The following MYO3B variants were observed in gnomAD, a reference collection of about 807,000 sequenced individuals.
MYO3B encodes myosin-IIIb.
A neutral mutation model predicts 174.6 loss-of-function variants in MYO3B; 156 were observed. The ratio of observed to expected loss-of-function variants is 0.89; its 90% CI spans 0.78 to 1.02. The LOEUF is 1.02. MYO3B is among the 50% of genes least tolerant of loss of function. The pLI, the probability that MYO3B is intolerant of heterozygous loss-of-function variation, is 0.00. For missense variants in MYO3B, 1,632 were observed against 1,639.4 expected (o/e 1.00, Z 0.08); for synonymous variants, 563 against 569.1 (o/e 0.99, Z 0.15).
chr2:170,251,432 T>C (rs1001321384), intron 7 of MYO3B, among the ~76,000 whole-genome samples: 3 of 152,140 alleles, frequency 2.0e-5, no homozygotes, highest in Non-Finnish European at 2.9e-5. Flanking sequence ...TCAGAAAAGA[T>C]ACATTGAAGT....
At chr2:170,469,791 T>G (rs1314321179) in intron 25 of MYO3B, among the ~76,000 whole-genome samples, 1 of 152,200 alleles carries the variant, frequency 6.6e-6, no homozygotes, top group Non-Finnish European at 1.5e-5. Flanking sequence ...TCACGTATGA[T>G]AAAAGTCATC....
chr2:170,180,575 CTT>C (rs1384499992), intron 1 of MYO3B, among the ~76,000 whole-genome samples: 1 of 152,060 alleles, frequency 6.6e-6, no homozygotes, highest in Non-Finnish European at 1.5e-5. Context: ...GTAGAGATCT[CTT>C]ATATGTTTTT....
chr2:170,525,693 A>G (rs1180313657), intron 30 of MYO3B, among the ~76,000 whole-genome samples: 1 of 152,180 alleles, frequency 6.6e-6, no homozygotes, highest in Non-Finnish European at 1.5e-5. Context: ...AAACAAGTGC[A>G]TATTTCTCCT....
chr2:170,233,752 A>T (rs1431257101), intron 6 of MYO3B, among the ~76,000 whole-genome samples: 1 of 152,240 alleles, frequency 6.6e-6, no homozygotes, highest in Non-Finnish European at 1.5e-5. Context: ...CAGAGTTTAG[A>T]GCACATTTTG....
intron 7 of MYO3B, among the ~76,000 whole-genome samples, chr2:170,245,004 G>A (rs1220128590): frequency 2.0e-5 from 3 of 152,154 alleles, no homozygotes; most frequent in Non-Finnish European, 4.4e-5. Flanking sequence ...GTAAAATTGT[G>A]TCAGTATGAA....
chr2:170,644,299 T>G (rs1188696217), intron 32 of MYO3B, among the ~76,000 whole-genome samples: 1 of 152,108 alleles, frequency 6.6e-6, no homozygotes, highest in African/African-American at 2.4e-5. Flanking sequence ...TTTTTTTTCT[T>G]TTTTGAGATG....
chr2:170,401,790 T>TTATTTA, intron 18 of MYO3B, 99 bp downstream of exon 18: 4 of 1,026,866 alleles, frequency 3.9e-6, no homozygotes, highest in Non-Finnish European at 5.5e-6. Context: ...CTCTGGGATT[T>TTATTTA]TCTTTCTTTT....
intron 25 of MYO3B, among the ~76,000 whole-genome samples, chr2:170,491,421 A>G (rs1686460022): frequency 6.7e-6 from 1 of 149,812 alleles, no homozygotes; most frequent in South Asian, 2.1e-4. Context: ...GTATTTTTTA[A>G]TTAATTAATT....
At chr2:170,296,141 G>A (rs1408841015) in intron 7 of MYO3B, among the ~76,000 whole-genome samples, 1 of 152,212 alleles carries the variant, frequency 6.6e-6, no homozygotes, top group Non-Finnish European at 1.5e-5. Flanking sequence ...TTCCCAGTGA[G>A]AGACAGGCCC....
intron 7 of MYO3B, among the ~76,000 whole-genome samples, chr2:170,308,842 G>T (rs2093718419): frequency 6.6e-6 from 1 of 152,094 alleles, no homozygotes; most frequent in Non-Finnish European, 1.5e-5. Flanking sequence ...TCCTTTAGAA[G>T]GGGGGACACA....
intron 23 of MYO3B, among the ~76,000 whole-genome samples, chr2:170,458,173 G>T (rs754410915): frequency 6.6e-6 from 1 of 152,142 alleles, no homozygotes; most frequent in African/African-American, 2.4e-5. Flanking sequence ...GATTGGCAGC[G>T]CAGGTTTGTT....
At chr2:170,598,061 G>T (rs530126624) in intron 32 of MYO3B, among the ~76,000 whole-genome samples, 2 of 152,142 alleles carry the variant, frequency 1.3e-5, no homozygotes, top group African/African-American at 4.8e-5. Flanking sequence ...TTTTGGCAAC[G>T]AACAGATCCC....
intron 19 of MYO3B, among the ~76,000 whole-genome samples, chr2:170,403,474 C>T (rs893087762): frequency 6.6e-6 from 1 of 152,076 alleles, no homozygotes; most frequent in African/African-American, 2.4e-5. Flanking sequence ...GAAATCATCC[C>T]TCTATGAGTT....
intron 7 of MYO3B, among the ~76,000 whole-genome samples, chr2:170,321,969 C>T (rs887493973): frequency 6.6e-6 from 1 of 151,984 alleles, no homozygotes; most frequent in African/African-American, 2.4e-5. Flanking sequence ...CCAAAATTAG[C>T]TGGGCGTGGT....
intron 32 of MYO3B, among the ~76,000 whole-genome samples, chr2:170,598,933 T>C (rs138762697): frequency 8.5e-5 from 13 of 152,348 alleles, no homozygotes; most frequent in African/African-American, 3.1e-4. Context: ...TTACAATTAT[T>C]ATTAGAAATA....
Position 170,501,770 on chromosome 2 carries a change from G to C in MYO3B, c.3290-15G>C. The stretch of plus-strand genomic sequence containing the variant: ...AAATTAATGTCATTCCTAGCACATG[G>C]TTTTATATTTTTAGCCTGGAGAGGA... On this transcript the variant is annotated splice_polypyrimidine_tract_variant and intron_variant, in intron 27 of 34. Transcript: ENST00000408978. 1 of 1,579,152 alleles carries C rather than the reference G, an allele frequency of 6.3e-7. No homozygotes were observed. Among genetic ancestry groups the C allele is most frequent in the South Asian group, 1.1e-5 (1 of 89,880 alleles).
At chr2:170,533,553 G>T (rs1481717693) in intron 30 of MYO3B, among the ~76,000 whole-genome samples, 3 of 152,030 alleles carry the variant, frequency 2.0e-5, no homozygotes, top group Admixed American at 6.6e-5. Context: ...GTCTTAAACT[G>T]CTAGAACTGT....
At position 170,651,570 on chromosome 2, in the gene MYO3B, T is replaced by A. The variant is rs1699011798; in HGVS notation, c.3734-58T>A. ...GTGCATTTATGTGAAGAGCCATTTTTCACTTAATTTTCCCAACACCTCGGA... is the reference window on the plus strand; with the variant it reads ...GTGCATTTATGTGAAGAGCCATTTTACACTTAATTTTCCCAACACCTCGGA... On this transcript the variant is annotated intron_variant, in intron 32 of 34. Transcript: ENST00000408978. The A allele has an allele frequency of 2.1e-6, 3 of 1,405,798 alleles. No individual in the cohort carries two copies. The Admixed American group carries it at 5.0e-5, about 24-fold the overall frequency. 87.1% of individuals were successfully genotyped at this position (1,405,798 alleles called of 1,614,324 possible). A position where few individuals can be genotyped will look rare whatever the true frequency, so the allele number is the denominator to read the frequency against.
chr2:170,285,805 AT>A (rs35953791), intron 7 of MYO3B, among the ~76,000 whole-genome samples: 2,006 of 146,936 alleles, frequency 0.014, 55 homozygotes, highest in African/African-American at 0.046. Flanking sequence ...ATAATGTTGT[AT>A]TTTTTTTTTT....
Sources: allele counts gnomAD v4.1 joint callset (sites outside exome capture counted in the v4.1 genomes callset), GRCh38; gene constraint gnomAD v4.1.1; transcripts MANE v1.5; gene names NCBI Gene and HGNC (gene_info 2026-07-23, HGNC 2026-07-21).